Variants in JAZF1 observed in about 807,000 individuals in gnomAD.
JAZF1 encodes JAZF zinc finger 1, also known as juxtaposed with another zinc finger protein 1.
In JAZF1, 8 loss-of-function variants were observed where a neutral mutation model predicts 26.4. That is an observed-to-expected ratio of 0.30 (90% CI 0.18 to 0.55). The LOEUF (loss-of-function observed/expected upper bound fraction) is 0.55. Among genes scored for constraint, JAZF1 ranks in the 20% least tolerant of loss-of-function variants. The pLI, the probability that JAZF1 is intolerant of heterozygous loss-of-function variation, is 0.94. For synonymous variants in JAZF1, 126 were observed against 122.3 expected (o/e 1.03, Z -0.20); for missense variants, 199 against 322.0 (o/e 0.62, Z 2.92).
intron 2 of JAZF1, among the ~76,000 whole-genome samples, chr7:27,926,831 G>A (rs1784607221): frequency 6.6e-6 from 1 of 152,192 alleles, no homozygotes; most frequent in Non-Finnish European, 1.5e-5. Context: ...AGGTATGGCA[G>A]AGTCCAAATG....
At chr7:27,989,942 C>T (rs1303506416) in intron 2 of JAZF1, among the ~76,000 whole-genome samples, 1 of 152,006 alleles carries the variant, frequency 6.6e-6, no homozygotes, top group African/African-American at 2.4e-5. Flanking sequence ...GGGCATATAC[C>T]CAAAGGTTTA....
intron 1 of JAZF1, among the ~76,000 whole-genome samples, chr7:28,088,904 C>A (rs927163996): frequency 1.3e-5 from 2 of 152,288 alleles, no homozygotes; most frequent in African/African-American, 4.8e-5. Context: ...TTCCTCCCTT[C>A]AATTAATTTT....
At chr7:28,173,567 G>A (rs1250670519) in intron 1 of JAZF1, among the ~76,000 whole-genome samples, 1 of 151,962 alleles carries the variant, frequency 6.6e-6, no homozygotes, top group Non-Finnish European at 1.5e-5. Context: ...TAATACCAAA[G>A]AAATGGTGAA....
At chr7:27,887,282 TTAA>T (rs1447262182) in intron 3 of JAZF1, among the ~76,000 whole-genome samples, 5 of 152,274 alleles carry the variant, frequency 3.3e-5, no homozygotes, top group Middle Eastern at 6.8e-3. Context: ...AAAATAAAAG[TTAA>T]TAATACTTGC....
intron 1 of JAZF1, among the ~76,000 whole-genome samples, chr7:28,114,619 T>G (rs1373273969): frequency 6.6e-6 from 1 of 151,196 alleles, no homozygotes; most frequent in Non-Finnish European, 1.5e-5. Context: ...TCTTTCTACT[T>G]TTAGGGTTTA....
chr7:27,846,444 A>G (rs1783033613), intron 3 of JAZF1: 1 of 465,958 alleles, frequency 2.1e-6, no homozygotes, highest in African/African-American at 2.0e-5. Context: ...TTCTTGGTGC[A>G]TTCATCCACC....
chr7:28,157,062 T>C (rs943376537), intron 1 of JAZF1, among the ~76,000 whole-genome samples: 16 of 152,258 alleles, frequency 1.1e-4, no homozygotes, highest in African/African-American at 3.9e-4. Flanking sequence ...TACATGTGCA[T>C]GCACACAGCC....
intron 2 of JAZF1, among the ~76,000 whole-genome samples, chr7:27,940,278 G>A (rs1784822286): frequency 9.5e-6 from 1 of 105,756 alleles, no homozygotes; most frequent in African/African-American, 4.0e-5. Flanking sequence ...TCACAGGGCC[G>A]GGTCACGGCG....
At chr7:28,101,181 C>T (rs1445963989) in intron 1 of JAZF1, among the ~76,000 whole-genome samples, 3 of 152,078 alleles carry the variant, frequency 2.0e-5, no homozygotes, top group Non-Finnish European at 4.4e-5. Flanking sequence ...TTATCCTCAT[C>T]GTGCCACATT....
At chr7:28,021,450 G>A (rs1370064645) in intron 1 of JAZF1, among the ~76,000 whole-genome samples, 1 of 152,168 alleles carries the variant, frequency 6.6e-6, no homozygotes, top group African/African-American at 2.4e-5. Flanking sequence ...GGAGTTGTGA[G>A]GAATGAGTAA....
chr7:27,845,856 T>C (rs945542262), intron 3 of JAZF1, among the ~76,000 whole-genome samples: 1 of 152,114 alleles, frequency 6.6e-6, no homozygotes, highest in African/African-American at 2.4e-5. Context: ...GATCACACCG[T>C]GGCCTGCACC....
At chr7:28,110,532 G>GAAAGGA (rs376047127) in intron 1 of JAZF1, among the ~76,000 whole-genome samples, 14 of 35,550 alleles carry the variant, frequency 3.9e-4, no homozygotes, top group South Asian at 2.4e-3. Context: ...AAAGGAAAAG[G>GAAAGGA]AAAGGAAAAG....
intron 1 of JAZF1, among the ~76,000 whole-genome samples, chr7:28,094,658 A>T (rs1017267802): frequency 1.1e-4 from 16 of 152,366 alleles, no homozygotes; most frequent in Non-Finnish European, 1.5e-5. Context: ...ATTTTCTGGC[A>T]GAAGGAACAT....
At chr7:28,023,497 T>A (rs1022503730) in intron 1 of JAZF1, among the ~76,000 whole-genome samples, 1 of 152,246 alleles carries the variant, frequency 6.6e-6, no homozygotes, top group African/African-American at 2.4e-5. Context: ...AAATTCCAGA[T>A]TCCTGGTGTC....
intron 2 of JAZF1, among the ~76,000 whole-genome samples, chr7:27,901,348 T>A (rs1057015477): frequency 6.6e-6 from 1 of 152,200 alleles, no homozygotes; most frequent in African/African-American, 2.4e-5. Flanking sequence ...CAGACCACAA[T>A]GTTCATTCAG....
At chr7:28,118,317 C>T (rs1784780698) in intron 1 of JAZF1, 1 of 152,052 alleles carries the variant, frequency 6.6e-6, no homozygotes. Flanking sequence ...GAGTTCAAGA[C>T]CAGCCTGGCC....
intron 1 of JAZF1, among the ~76,000 whole-genome samples, chr7:28,017,882 T>C (rs932016574): frequency 6.6e-6 from 1 of 152,218 alleles, no homozygotes; most frequent in Non-Finnish European, 1.5e-5. Flanking sequence ...CAAGCGATTC[T>C]TGTGTCTCAG....
rs780097378 is a variant in JAZF1, at chr7:28,083,317, C to A, written c.116-91336G>T. 4.6e-5 allele frequency among the ~76,000 whole-genome samples: 7 copies of A among 152,298 alleles called. No individual in the cohort carries two copies. The South Asian group carries it at 1.5e-3, about 32-fold the overall frequency. ...TCATATCACAACCCCAGAATCTGCACAAGGCCTACCACATGACAGCCACTC... is the reference window on the plus strand; with the variant it reads ...TCATATCACAACCCCAGAATCTGCAAAAGGCCTACCACATGACAGCCACTC... On this transcript the variant is annotated intron_variant, in intron 1 of 4. Coordinates refer to ENST00000283928, the MANE Select transcript of JAZF1 (RefSeq NM_175061.4).
intron 2 of JAZF1, among the ~76,000 whole-genome samples, chr7:27,989,174 T>A (rs918310785): frequency 6.6e-6 from 1 of 152,032 alleles, no homozygotes; most frequent in South Asian, 2.1e-4. Context: ...ACCTGACAAA[T>A]ACAAGAAATG....
Sources: allele counts gnomAD v4.1 joint callset (sites outside exome capture counted in the v4.1 genomes callset), GRCh38; gene constraint gnomAD v4.1.1; transcripts MANE v1.5; gene names NCBI Gene and HGNC (gene_info 2026-07-23, HGNC 2026-07-21).